IPO11: variants seen among roughly 807,000 people sequenced by gnomAD.
IPO11 encodes the protein importin 11.
In IPO11, 66 loss-of-function variants were observed where a neutral mutation model predicts 143.2. The observed-to-expected ratio is 0.46, with a 90% CI of 0.38 to 0.57. IPO11 has a LOEUF of 0.57. Ranked by LOEUF, IPO11 falls within the 20% of genes least tolerant of loss-of-function variation. IPO11 has a pLI of 0.00. For missense variants in IPO11, 1,026 were observed against 1,141.0 expected, an observed-to-expected ratio of 0.90 and a Z score of 1.45; for synonymous variants, 385 against 377.8, an observed-to-expected ratio of 1.02 and a Z score of -0.22.
intron 29 of IPO11, among the ~76,000 whole-genome samples, chr5:62,622,804 CAT>C (rs2112484117): frequency 6.6e-6 from 1 of 152,324 alleles, no homozygotes; most frequent in African/African-American, 2.4e-5. Context: ...TTCACTGAGA[CAT>C]GTATGTATAT....
In IPO11 at chr5:62,474,430, A is replaced by G. The variant is rs769080623; in HGVS notation, c.723A>G (p.Gly241=). 2.6e-6 allele frequency: 4 copies of G among 1,564,728 alleles called. No individual in the cohort carries two copies. The highest frequency in any genetic ancestry group is 3.5e-6 in the Non-Finnish European group (4 of 1,156,362). ...TTCTTTTCTAGGGTTTTTTACATGG[A>G]ATATTTGAACGTCTAAAACAGTTTC... The part of the protein sequence containing the change: ...KNMEVMGFLH[G]IFERLKQFLE... Residue 241 remains glycine (G), a synonymous_variant, in exon 8 of 30, where the codon GGA becomes GGG. Transcript: ENST00000325324.
rs371653354 is a variant in IPO11, at chr5:62,561,234, C to G, written c.2559C>G (p.Leu853=). 19 of 1,586,162 alleles carry G rather than the reference C, an allele frequency of 1.2e-5. No individual in the cohort carries two copies. Among genetic ancestry groups the G allele is most frequent in the Non-Finnish European group, 1.6e-5 (19 of 1,165,558 alleles). ...GAAAACTTTCAGCTTTGGCTTTGCT[C>G]TCTCTTCTGCCATCTGATAATAGGT... ...ERRKLSALAL[L]SLLPSDNSVI... is the part of the protein sequence containing the mutation. Residue 853 remains leucine, a synonymous_variant, in exon 27 of 30, where the codon CTC becomes CTG. Coordinates refer to ENST00000325324, the MANE Select transcript of IPO11 (RefSeq NM_016338.5).
At chr5:62,536,935 A>G (rs1001213399) in intron 23 of IPO11, among the ~76,000 whole-genome samples, 154 bp downstream of exon 23, 1 of 152,156 alleles carries the variant, frequency 6.6e-6, no homozygotes, top group Non-Finnish European at 1.5e-5. Flanking sequence ...TGCAGGGCAG[A>G]TGTGCTGCAT....
intron 19 of IPO11, among the ~76,000 whole-genome samples, chr5:62,508,150 G>T (rs1217597193): frequency 6.6e-6 from 1 of 151,956 alleles, no homozygotes; most frequent in African/African-American, 2.4e-5. Context: ...TTTTTGAGAT[G>T]AAGTCTTGCT....
intron 26 of IPO11, among the ~76,000 whole-genome samples, chr5:62,559,161 G>A (rs1168077182): frequency 6.6e-6 from 1 of 152,076 alleles, no homozygotes; most frequent in Admixed American, 6.5e-5. Flanking sequence ...GGTGTGGGTG[G>A]CTGTGGCAGT....
intron 20 of IPO11, among the ~76,000 whole-genome samples, chr5:62,523,437 A>G (rs1236547942): frequency 6.6e-6 from 1 of 152,152 alleles, no homozygotes; most frequent in Non-Finnish European, 1.5e-5. Context: ...AAACGTTACG[A>G]TTTTTATTTT....
chr5:62,426,847 A>C (rs545272779), intron 1 of IPO11, among the ~76,000 whole-genome samples: 155 of 149,268 alleles, frequency 1.0e-3, no homozygotes, highest in African/African-American at 3.6e-3. Flanking sequence ...GTTACAAAAC[A>C]GACTAAGAGA....
At chr5:62,579,066 G>A (rs1201098185) in intron 27 of IPO11, 4 of 249,630 alleles carry the variant, frequency 1.6e-5, no homozygotes, top group Non-Finnish European at 3.2e-5. Context: ...TTTGATATTA[G>A]ACTTTATGTT....
intron 27 of IPO11, among the ~76,000 whole-genome samples, 195 bp from the exon 28 acceptor site, chr5:62,591,382 T>A (rs1318525480): frequency 1.3e-5 from 2 of 152,162 alleles, no homozygotes; most frequent in Non-Finnish European, 2.9e-5. Context: ...TTAAACATAC[T>A]AATTAGTGAA....
intron 2 of IPO11, among the ~76,000 whole-genome samples, chr5:62,441,673 C>T (rs1744484833): frequency 6.6e-6 from 1 of 151,142 alleles, no homozygotes; most frequent in Non-Finnish European, 1.5e-5. Context: ...CACCACCACA[C>T]CCAGCTAATT....
At chr5:62,445,414 A>G (rs1255483979) in intron 3 of IPO11, among the ~76,000 whole-genome samples, 1 of 152,158 alleles carries the variant, frequency 6.6e-6, no homozygotes, top group Non-Finnish European at 1.5e-5. Context: ...GAATTGTTAA[A>G]GATGTGAATT....
chr5:62,495,031 C>G (rs558347191), intron 16 of IPO11, among the ~76,000 whole-genome samples: 1 of 152,118 alleles, frequency 6.6e-6, no homozygotes, highest in Non-Finnish European at 1.5e-5. Context: ...ATGTAGTGTT[C>G]ACTAAAGGAA....
rs1219244451 is a variant in IPO11 at position 62,627,255 on chromosome 5, C to T, written c.2865C>T (p.Ser955=). ...QEMLGEQGFQ[S]LMETVDTEIV... ...TGCTAGGAGAACAAGGTTTCCAGTC[C>T]CTCATGGAAACAGTGGATACGGAGA... is the stretch of plus-strand genomic sequence containing the variant. The change falls in exon 30 of 30, where the codon TCC becomes TCT. Residue 955 remains serine, a synonymous_variant. Coordinates refer to ENST00000325324, the MANE Select transcript of IPO11 (RefSeq NM_016338.5). 6.2e-7 allele frequency: 1 copy of T among 1,614,026 alleles called. No individual in the cohort carries two copies. The highest frequency in any genetic ancestry group is 1.1e-5 in the South Asian group (1 of 91,076).
At chr5:62,605,028 C>T (rs1006248149) in intron 29 of IPO11, among the ~76,000 whole-genome samples, 1 of 152,036 alleles carries the variant, frequency 6.6e-6, no homozygotes, top group Non-Finnish European at 1.5e-5. Context: ...GTTGTTTCTT[C>T]AAAGGGGGAG....
Position 62,435,142 on chromosome 5 carries a change from A to ATATGTATATATATGTATATATATG in IPO11, c.-6-2131_-6-2130insATGTATATATATGTATATATATGT, listed in dbSNP as rs1174824069. On this transcript the variant is annotated intron_variant, in intron 1 of 29. Transcript: ENST00000325324. The stretch of plus-strand genomic sequence containing the variant: ...TGTATATATGTATATATATGTATAT[A>ATATGTATATATATGTATATATATG]TGTATATATGTATATATATGTATAT... Among the ~76,000 whole-genome samples the ATATGTATATATATGTATATATATG allele has an allele frequency of 1.7e-4, 10 of 60,040 alleles. 1 individual carries two copies. The highest frequency in any genetic ancestry group is 3.0e-4 in the African/African-American group (4 of 13,214). 39.4% of individuals were successfully genotyped at this position (60,040 alleles called of 152,430 possible). A position where few individuals can be genotyped will look rare whatever the true frequency, so the allele number is the denominator to read the frequency against.
chr5:62,480,905 CA>C (rs1194886479), intron 9 of IPO11, among the ~76,000 whole-genome samples: 125 of 108,946 alleles, frequency 1.1e-3, no homozygotes, highest in African/African-American at 3.8e-3. Context: ...CTTCCTCTTT[CA>C]TTTTTTTTTT....
intron 20 of IPO11, among the ~76,000 whole-genome samples, chr5:62,516,844 A>G (rs971391359): frequency 1.3e-5 from 2 of 152,014 alleles, no homozygotes; most frequent in African/African-American, 4.8e-5. Flanking sequence ...TTTATCTTGT[A>G]AAACTGAAGC....
intron 12 of IPO11, 62 bp downstream of exon 12, chr5:62,485,524 A>G (rs779423607): frequency 2.6e-5 from 32 of 1,237,770 alleles, no homozygotes; most frequent in Non-Finnish European, 3.6e-5. Flanking sequence ...AGCTCTTAGT[A>G]GAGAATGACA....
chr5:62,541,147 G>A (rs541710345), intron 24 of IPO11, among the ~76,000 whole-genome samples: 37 of 152,098 alleles, frequency 2.4e-4, no homozygotes, highest in African/African-American at 6.0e-4. Context: ...TGAGGTGGGC[G>A]GATCACCTGA....
Sources: gnomAD v4.1 joint callset for allele counts (sites outside exome capture counted in the v4.1 genomes callset) on GRCh38, gnomAD v4.1.1 for gene constraint, MANE v1.5 for transcripts, NCBI Gene and HGNC (gene_info 2026-07-23, HGNC 2026-07-21) for gene names.